The following TNFAIP8 variants were observed in gnomAD, a reference collection of about 807,000 sequenced individuals.
The protein encoded by TNFAIP8 is TNF alpha induced protein 8.
A neutral mutation model predicts 13.3 loss-of-function variants in TNFAIP8; 7 were observed. The ratio of observed to expected loss-of-function variants is 0.52; its 90% CI spans 0.30 to 0.99. TNFAIP8 has a LOEUF of 0.99. Ranked by LOEUF, TNFAIP8 falls within the 50% of genes least tolerant of loss-of-function variation. The pLI is 0.07. For missense variants in TNFAIP8, 258 were observed against 236.9 expected, an observed-to-expected ratio of 1.09 and a Z score of -0.58; for synonymous variants, 94 against 87.6, an observed-to-expected ratio of 1.07 and a Z score of -0.41.
intron 1 of TNFAIP8, among the ~76,000 whole-genome samples, chr5:119,296,171 G>A (rs1749169538): frequency 6.6e-6 from 1 of 150,964 alleles, no homozygotes; most frequent in African/African-American, 2.4e-5. Context: ...ATGTTGAATA[G>A]GAGTGGTGAG....
At chr5:119,337,166 T>G (rs1750580631) in intron 1 of TNFAIP8, among the ~76,000 whole-genome samples, 1 of 152,216 alleles carries the variant, frequency 6.6e-6, no homozygotes, top group South Asian at 2.1e-4. Flanking sequence ...TCCTGAATTC[T>G]CTTGCCTCAT....
rs1749384802 is a variant in TNFAIP8, at chr5:119,301,335, G to C, written c.1+32428G>C. Among the ~76,000 whole-genome samples, 3 of 151,984 alleles carry C rather than the reference G, an allele frequency of 2.0e-5. No homozygotes were observed. In the South Asian group the frequency reaches 6.2e-4, roughly 32 times the overall value. On this transcript the variant is annotated intron_variant, in intron 1 of 1. Coordinates refer to the TNFAIP8 transcript ENST00000274456. ...TTCTTACCCCTCTGTCAGTTGGCTT[G>C]TTCCCAGTGACTATAATTCCCTTGT...
chr5:119,351,339 T>G (rs1751135811), upstream of TNFAIP8, among the ~76,000 whole-genome samples: 1 of 152,162 alleles, frequency 6.6e-6, no homozygotes, highest in Non-Finnish European at 1.5e-5. Context: ...ACTCTATTTG[T>G]ATTGTACTAA....
intron 1 of TNFAIP8, among the ~76,000 whole-genome samples, chr5:119,294,647 T>G (rs1207244658): frequency 6.6e-6 from 1 of 152,164 alleles, no homozygotes; most frequent in Non-Finnish European, 1.5e-5. Context: ...AGAACTAGTT[T>G]ACAGTCCCAC....
At chr5:119,333,771 C>T (rs1750458680) in intron 1 of TNFAIP8, 1 of 753,124 alleles carries the variant, frequency 1.3e-6, no homozygotes. Flanking sequence ...CTGTGTTCAA[C>T]AAATCACTGT....
At chr5:119,317,778 G>T (rs1033256082) in intron 1 of TNFAIP8, among the ~76,000 whole-genome samples, 6 of 151,844 alleles carry the variant, frequency 4.0e-5, no homozygotes, top group African/African-American at 1.5e-4. Context: ...TTTAATTTTC[G>T]TAGAGACGGG....
At chr5:119,303,856 G>C (rs963218443) in intron 1 of TNFAIP8, among the ~76,000 whole-genome samples, 3 of 152,140 alleles carry the variant, frequency 2.0e-5, no homozygotes, top group Non-Finnish European at 4.4e-5. Flanking sequence ...AACCTTGTGC[G>C]ATAGCTCCCC....
chr5:119,363,039 AT>A (rs909912490), intron 1 of TNFAIP8, among the ~76,000 whole-genome samples: 3 of 151,936 alleles, frequency 2.0e-5, no homozygotes, highest in Non-Finnish European at 2.9e-5. Flanking sequence ...TGGGCCATGG[AT>A]TTAGCTTCTG....
At chr5:119,355,640 G>T, upstream of TNFAIP8, 1 of 451,424 alleles carries the variant, frequency 2.2e-6, no homozygotes, top group South Asian at 4.4e-5. Context: ...ATATGCATTT[G>T]CTATTTATGT....
At chr5:119,329,158 G>A (rs1296834964) in intron 1 of TNFAIP8, among the ~76,000 whole-genome samples, 1 of 152,234 alleles carries the variant, frequency 6.6e-6, no homozygotes, top group East Asian at 1.9e-4. Flanking sequence ...GGATGGCCCT[G>A]TTTTCCTCGC....
upstream of TNFAIP8, chr5:119,355,817 G>A (rs187836705): frequency 7.6e-4 from 595 of 778,440 alleles, 25 homozygotes; most frequent in Admixed American, 0.034. Flanking sequence ...AGCCAGCCCC[G>A]CCAGGTCGCC....
chr5:119,299,428 C>T (rs1007782721), intron 1 of TNFAIP8, among the ~76,000 whole-genome samples: 6 of 151,936 alleles, frequency 3.9e-5, no homozygotes, highest in African/African-American at 1.5e-4. Context: ...AGTGGATTTT[C>T]GTGAACCGCG....
chr5:119,284,138 T>C (rs73248978), intron 1 of TNFAIP8, among the ~76,000 whole-genome samples: 1,544 of 152,250 alleles, frequency 0.01, 17 homozygotes, highest in African/African-American at 0.035. Context: ...ATTTTAAAGA[T>C]GGGAAAACAG....
chr5:119,278,137 G>T (rs183986174), intron 1 of TNFAIP8, among the ~76,000 whole-genome samples: 4 of 152,250 alleles, frequency 2.6e-5, no homozygotes, highest in Non-Finnish European at 5.9e-5. Flanking sequence ...GAATAGTAAA[G>T]ACATTAAATT....
chr5:119,326,966 C>G (rs925529856), intron 1 of TNFAIP8, among the ~76,000 whole-genome samples: 1 of 152,148 alleles, frequency 6.6e-6, no homozygotes, highest in African/African-American at 2.4e-5. Context: ...TAAACCAGCC[C>G]GTGTGCCCTC....
At chr5:119,343,071 C>A (rs1484640583) in intron 1 of TNFAIP8, among the ~76,000 whole-genome samples, 2 of 152,126 alleles carry the variant, frequency 1.3e-5, no homozygotes, top group African/African-American at 4.8e-5. Flanking sequence ...CCTGGAAATG[C>A]CATCAACTGA....
In TNFAIP8 at chr5:119,393,825, CT is replaced by C. The variant is rs1215476592; in HGVS notation, c.*448del. The C allele has an allele frequency of 1.3e-5, 2 of 157,794 alleles. No homozygotes were observed. The highest frequency in any genetic ancestry group is 1.2e-4 in the Admixed American group (2 of 16,576). The allele number at this position is 157,794 out of a possible 1,614,324, so 9.8% of individuals were successfully genotyped here. A position where few individuals can be genotyped will look rare whatever the true frequency, so the allele number is the denominator to read the frequency against. ...GAACTTTCTCTTGCTATCATTGCTCCTTTTGAAACAATTCAATTTTCATGTC... is the reference window on the plus strand; with the variant it reads ...GAACTTTCTCTTGCTATCATTGCTCCTTTGAAACAATTCAATTTTCATGTC... On this transcript the variant is annotated 3_prime_UTR_variant, in exon 2 of 2. Coordinates refer to ENST00000504771, the MANE Select transcript of TNFAIP8 (RefSeq NM_014350.4).
intron 1 of TNFAIP8, among the ~76,000 whole-genome samples, chr5:119,330,592 C>G (rs1750346845): frequency 6.6e-6 from 1 of 152,104 alleles, no homozygotes; most frequent in Non-Finnish European, 1.5e-5. Context: ...GCTGCTTAAC[C>G]TCTCTGCTCT....
At chr5:119,350,942 CTA>C (rs1357954100) in intron 1 of TNFAIP8, among the ~76,000 whole-genome samples, 9 of 136,306 alleles carry the variant, frequency 6.6e-5, no homozygotes, top group African/African-American at 9.1e-5. Context: ...TTTTTTAACT[CTA>C]TGTGTATTTG....
Sources: allele counts gnomAD v4.1 joint callset (sites outside exome capture counted in the v4.1 genomes callset), GRCh38; gene constraint gnomAD v4.1.1; transcripts MANE v1.5; gene names NCBI Gene and HGNC (gene_info 2026-07-23, HGNC 2026-07-21).